Variants in ALKAL2 observed in about 807,000 individuals in gnomAD.
The protein encoded by ALKAL2 is AUG-alpha.
ALKAL2 carries 8 observed loss-of-function variants against 18.5 expected under a neutral mutation model. The observed-to-expected ratio is 0.43, with a 90% CI of 0.25 to 0.78. The LOEUF (loss-of-function observed/expected upper bound fraction) is 0.78. Ranked by LOEUF, ALKAL2 falls within the 30% of genes least tolerant of loss-of-function variation. The pLI, the probability that ALKAL2 is intolerant of heterozygous loss-of-function variation, is 0.22. For missense variants in ALKAL2, 241 were observed against 211.2 expected, an observed-to-expected ratio of 1.14 and a Z score of -0.88; for synonymous variants, 135 against 95.8, an observed-to-expected ratio of 1.41 and a Z score of -2.39.
intron 1 of ALKAL2, 51 bp downstream of exon 1, chr2:287,962 G>C: frequency 8.2e-7 from 1 of 1,219,442 alleles, no homozygotes; most frequent in Non-Finnish European, 1.0e-6. Context: ...GCGGGGCGGG[G>C]GAGGGGAGGG....
At chr2:286,636 G>A (rs1282281415) in intron 2 of ALKAL2, 2 of 260,194 alleles carry the variant, frequency 7.7e-6, no homozygotes, top group Non-Finnish European at 1.4e-5. Flanking sequence ...TAAGAAAACT[G>A]TTTTTTTTTT....
chr2:286,484 A>C (rs1174497446), intron 2 of ALKAL2, 141 bp from the exon 3 acceptor site: 1 of 621,100 alleles, frequency 1.6e-6, no homozygotes, highest in African/African-American at 1.8e-5. Flanking sequence ...GGGGCCCTGG[A>C]TTGCAACACA....
chr2:286,008 A>G (rs1572208128), intron 4 of ALKAL2, 115 bp downstream of exon 4: 1 of 860,204 alleles, frequency 1.2e-6, no homozygotes, highest in East Asian at 2.4e-5. Flanking sequence ...CATAGTGAGG[A>G]AGGAATAGGC....
chr2:283,427 A>T (rs904876845), intron 4 of ALKAL2: 53 of 985,300 alleles, frequency 5.4e-5, no homozygotes, highest in Admixed American at 1.2e-4. Context: ...AGAGGGACAG[A>T]CACGAAGGCT....
intron 5 of ALKAL2, among the ~76,000 whole-genome samples, chr2:282,461 CT>C (rs1385358656): frequency 6.6e-6 from 1 of 152,196 alleles, no homozygotes; most frequent in Non-Finnish European, 1.5e-5. Context: ...ATCCTGCTGT[CT>C]AAAGTGACTG....
chr2:287,308 G>A (rs527944456), intron 2 of ALKAL2: 244 of 346,752 alleles, frequency 7.0e-4, no homozygotes, highest in African/African-American at 4.7e-3. Context: ...TGCTGGAAAT[G>A]CTTCCATTTC....
At chr2:286,536 T>C in intron 2 of ALKAL2, 193 bp from the exon 3 acceptor site, 2 of 533,050 alleles carry the variant, frequency 3.8e-6, no homozygotes, top group South Asian at 2.9e-5. Context: ...TTTATTTTCC[T>C]TGAAATAACA....
chr2:283,080 T>C, intron 5 of ALKAL2, 31 bp downstream of exon 5: 2 of 1,585,002 alleles, frequency 1.3e-6, no homozygotes, highest in South Asian at 2.4e-5. Context: ...ATCTTTGGTA[T>C]GTGCTCCAGT....
intron 4 of ALKAL2, 40 bp downstream of exon 4, chr2:286,083 C>A (rs775126930): frequency 1.3e-6 from 2 of 1,564,246 alleles, no homozygotes; most frequent in East Asian, 4.5e-5. Flanking sequence ...GCTGCCTGCA[C>A]TGCTCTTGCA....
chr2:280,420 T>G (rs1233013436), intron 5 of ALKAL2, among the ~76,000 whole-genome samples: 2 of 152,224 alleles, frequency 1.3e-5, no homozygotes. Flanking sequence ...TGAAGAGTGC[T>G]TAGTCTTACA....
chr2:285,592 G>A (rs1166764004), intron 4 of ALKAL2, among the ~76,000 whole-genome samples: 1 of 152,224 alleles, frequency 6.6e-6, no homozygotes, highest in African/African-American at 2.4e-5. Context: ...AAAAGAAACA[G>A]GAGAGAAAGC....
intron 4 of ALKAL2, among the ~76,000 whole-genome samples, chr2:284,641 G>C (rs929528486): frequency 6.6e-6 from 1 of 152,142 alleles, no homozygotes; most frequent in African/African-American, 2.4e-5. Context: ...AGGAGGTATC[G>C]AATGCAGGCA....
rs1458453625 is a variant in ALKAL2, at chr2:279,917, TG to T, written c.*229del. 2.0e-6 allele frequency: 1 copy of T among 506,008 alleles called. No homozygotes were observed. Among genetic ancestry groups the T allele is most frequent in the Non-Finnish European group, 3.6e-6 (1 of 280,888 alleles). 31.3% of individuals were successfully genotyped at this position (506,008 alleles called of 1,614,324 possible). A position where few individuals can be genotyped will look rare whatever the true frequency, so the allele number is the denominator to read the frequency against. ...CGTCAAATGTGGAGCATTCCTTTTG[TG>T]TTTTTTTTTTAAATAAGTGACAGAT... On this transcript the variant is annotated 3_prime_UTR_variant, in exon 6 of 6. Transcript: ENST00000403610.
chr2:280,190 C>T (rs368858369), intron 5 of ALKAL2, 38 bp from the exon 6 acceptor site: 10 of 1,613,416 alleles, frequency 6.2e-6, no homozygotes, highest in South Asian at 1.1e-5. Context: ...TGACTATCCA[C>T]ACTTCTTAAT....
In ALKAL2 at chr2:280,251, A is replaced by C. The variant is rs1670296164; in HGVS notation, c.454-99T>G. The C allele has an allele frequency of 2.3e-6, 3 of 1,322,714 alleles. No homozygotes were observed. The African/African-American group carries it at 4.3e-5, about 19-fold the overall frequency. The allele number at this position is 1,322,714 out of a possible 1,614,324, so 81.9% of individuals were successfully genotyped here. ...CAGTTAGGGGACACAACATGTTTAT[A>C]AACATAGGCAGTCTCAGAGTGCATC... On this transcript the variant is annotated intron_variant, in intron 5 of 5. Transcript: ENST00000403610.
Position 287,893 on chromosome 2 carries a change from C to G in ALKAL2, c.-57-1G>C. 1 of 1,243,672 alleles carries G rather than the reference C, an allele frequency of 8.0e-7. No individual in the cohort carries two copies. The allele number at this position is 1,243,672 out of a possible 1,614,324, so 77.0% of individuals were successfully genotyped here. On this transcript the variant is annotated splice_acceptor_variant, in intron 1 of 5. Coordinates refer to ENST00000403610, the MANE Select transcript of ALKAL2 (RefSeq NM_001002919.3). LOFTEE classifies it low-confidence loss of function (5UTR_SPLICE). ...CGACACGCGCCGAGAGCTGGGCTCG[C>G]TGCGAGAGAAGGGGCGCGGGGGGCC...
rs1422599069 is a variant in ALKAL2, at chr2:279,905, G to A, written c.*242C>T. 3 of 499,334 alleles carry A rather than the reference G, an allele frequency of 6.0e-6. No homozygotes were observed. Among genetic ancestry groups the A allele is most frequent in the African/African-American group, 3.8e-5 (2 of 52,624 alleles). 30.9% of individuals were successfully genotyped at this position (499,334 alleles called of 1,614,324 possible). On this transcript the variant is annotated 3_prime_UTR_variant, in exon 6 of 6. Coordinates refer to ENST00000403610, the MANE Select transcript of ALKAL2 (RefSeq NM_001002919.3). Reference sequence around the variant, plus strand: ...TATAGCACTACACGTCAAATGTGGAGCATTCCTTTTGTGTTTTTTTTTTAA... The same window carrying A: ...TATAGCACTACACGTCAAATGTGGAACATTCCTTTTGTGTTTTTTTTTTAA...
At chr2:286,781 G>A (rs894148062) in intron 2 of ALKAL2, 1 of 157,062 alleles carries the variant, frequency 6.4e-6, no homozygotes, top group Non-Finnish European at 1.4e-5. Flanking sequence ...ATGGGTTACA[G>A]AACATTACTT....
chr2:287,555 G>A (rs981660902), intron 2 of ALKAL2, 28 bp downstream of exon 2: 16 of 1,354,910 alleles, frequency 1.2e-5, no homozygotes, highest in Non-Finnish European at 1.5e-5. Context: ...AGCAGCCCCG[G>A]CCCTCGGGCG....
Sources: gnomAD v4.1 joint callset for allele counts (sites outside exome capture counted in the v4.1 genomes callset) on GRCh38, gnomAD v4.1.1 for gene constraint, MANE v1.5 for transcripts, NCBI Gene and HGNC (gene_info 2026-07-23, HGNC 2026-07-21) for gene names.